The following TRRAP variants were observed in gnomAD, a reference collection of about 807,000 sequenced individuals.
The protein encoded by TRRAP is transformation/transcription domain-associated protein.
A neutral mutation model predicts 438.8 loss-of-function variants in TRRAP; 41 were observed. The ratio of observed to expected loss-of-function variants is 0.09; its 90% confidence interval spans 0.07 to 0.12. The LOEUF (loss-of-function observed/expected upper bound fraction) is 0.12. Among genes scored for constraint, TRRAP ranks in the 10% least tolerant of loss-of-function variants. The pLI, the probability that TRRAP is intolerant of heterozygous loss-of-function variation, is 1.00. For missense variants in TRRAP, 3,122 were observed against 5,055.1 expected (o/e 0.62, Z 11.60); for synonymous variants, 1,994 against 1,962.9 (o/e 1.02, Z -0.42).
rs576338721 is a variant in TRRAP, at chr7:98,907,754, C to T, written c.1116-974C>T. Among the ~76,000 whole-genome samples the T allele has an allele frequency of 4.3e-4, 65 of 152,212 alleles. No individual in the cohort carries two copies. The East Asian group carries it at 0.012, about 29-fold the overall frequency. ...GCAGCCACACTGGCCCCTGCAGCTC[C>T]CCTCTCCAATCTGCTGCAGCACGCC... is the stretch of plus-strand genomic sequence containing the variant. On this transcript the variant is annotated intron_variant, in intron 13 of 72. Coordinates refer to ENST00000456197, the MANE Select transcript of TRRAP (RefSeq NM_001375524.1).
At chr7:98,879,430 G>A (rs1285322968) in intron 1 of TRRAP, among the ~76,000 whole-genome samples, 1 of 151,998 alleles carries the variant, frequency 6.6e-6, no homozygotes, top group African/African-American at 2.4e-5. Flanking sequence ...TGGGCAGGGA[G>A]AGGCCGTGAC....
Position 98,910,274 on chromosome 7 carries a change from C to T in TRRAP, c.1569C>T (p.Pro523=), listed in dbSNP as rs782795223. ...CTGCCACCCCTGTGACCCCGGCCCC[C>T]GTGCCTCCCTTCGAGAAGCAAGGAG... is the stretch of plus-strand genomic sequence containing the variant. ...PPPATPVTPA[P]VPPFEKQGEK... Residue 523 remains proline (P), a synonymous_variant, in exon 15 of 73, where the codon CCC becomes CCT. Coordinates refer to ENST00000456197, the MANE Select transcript of TRRAP (RefSeq NM_001375524.1). The T allele has an allele frequency of 2.2e-5, 35 of 1,600,196 alleles. No homozygotes were observed. The highest frequency in any genetic ancestry group is 1.9e-4 in the African/African-American group (14 of 73,916).
chr7:98,895,473 A>C (rs940306343), intron 6 of TRRAP, among the ~76,000 whole-genome samples: 1 of 152,224 alleles, frequency 6.6e-6, no homozygotes, highest in Non-Finnish European at 1.5e-5. Context: ...GTTCCATCCT[A>C]TCAGGCATTG....
chr7:98,895,665 A>T, intron 6 of TRRAP, 99 bp from the exon 7 acceptor site: 1 of 962,328 alleles, frequency 1.0e-6, no homozygotes, highest in Non-Finnish European at 1.5e-6. Context: ...CTCTCTTATG[A>T]GTTCTTACGT....
intron 68 of TRRAP, 116 bp downstream of exon 68, chr7:99,004,531 G>A (rs1794074322): frequency 3.4e-6 from 3 of 872,328 alleles, no homozygotes; most frequent in Non-Finnish European, 5.3e-6. Context: ...CCCTGACATG[G>A]GAGAACATAA....
chr7:98,935,869 G>GT (rs1409993584), intron 28 of TRRAP, among the ~76,000 whole-genome samples, 194 bp downstream of exon 28: 1 of 152,224 alleles, frequency 6.6e-6, no homozygotes, highest in African/African-American at 2.4e-5. Context: ...TACATGTGTT[G>GT]TTAGGATTGA....
intron 11 of TRRAP, among the ~76,000 whole-genome samples, chr7:98,902,824 T>C (rs1424383435): frequency 6.6e-6 from 1 of 150,406 alleles, no homozygotes. Context: ...TGGTGGCTCA[T>C]GCCTATAATC....
chr7:98,996,175 C>T (rs774229351), intron 67 of TRRAP, among the ~76,000 whole-genome samples: 2 of 151,894 alleles, frequency 1.3e-5, no homozygotes, highest in South Asian at 2.1e-4. Flanking sequence ...CGTGTCCCCG[C>T]GTATGCACTG....
intron 45 of TRRAP, among the ~76,000 whole-genome samples, chr7:98,959,810 C>T (rs535438770): frequency 1.4e-3 from 209 of 151,936 alleles, no homozygotes; most frequent in Non-Finnish European, 1.2e-3. Context: ...AGCTTGTAGT[C>T]CCAGCTACTT....
intron 18 of TRRAP, among the ~76,000 whole-genome samples, chr7:98,913,253 C>A (rs1388355731): frequency 6.6e-6 from 1 of 152,076 alleles, no homozygotes; most frequent in Non-Finnish European, 1.5e-5. Flanking sequence ...GTTACAGTTA[C>A]ATCAACAGTT....
chr7:99,008,603 G>A (rs774979266), intron 70 of TRRAP, 42 bp downstream of exon 70: 1 of 1,602,952 alleles, frequency 6.2e-7, no homozygotes, highest in Non-Finnish European at 8.5e-7. Context: ...GCCGCCTGCA[G>A]CCCTCCTGTG....
rs782135106 is a variant in TRRAP at position 98,945,739 on chromosome 7, A to G, written c.4474-8A>G. On this transcript the variant is annotated splice_polypyrimidine_tract_variant and splice_region_variant and intron_variant, in intron 31 of 72. Coordinates refer to ENST00000456197, the MANE Select transcript of TRRAP (RefSeq NM_001375524.1). ...TAGAAAAAAGATGATTTTCCTCCCC[A>G]TCCTCAGGAAAGCATTTCCGAGTGC... 6.3e-7 allele frequency: 1 copy of G among 1,597,664 alleles called. No individual in the cohort carries two copies. Among genetic ancestry groups the G allele is most frequent in the East Asian group, 2.2e-5 (1 of 44,878 alleles).
At chr7:98,960,419 C>T (rs1007270120) in intron 45 of TRRAP, among the ~76,000 whole-genome samples, 7 of 152,176 alleles carry the variant, frequency 4.6e-5, no homozygotes, top group African/African-American at 1.7e-4. Context: ...TTCTGGACTG[C>T]AAAGGCCATG....
chr7:98,992,110 T>G (rs1793453469), intron 64 of TRRAP, 27 bp from the exon 65 acceptor site: 2 of 1,610,760 alleles, frequency 1.2e-6, no homozygotes, highest in East Asian at 2.2e-5. Context: ...AGAGCAGCAC[T>G]GTTTATAACA....
intron 67 of TRRAP, chr7:98,998,758 C>A: frequency 4.6e-6 from 1 of 219,158 alleles, no homozygotes; most frequent in Non-Finnish European, 9.5e-6. Flanking sequence ...CTCTTCTAGC[C>A]ACTCCTTTCT....
intron 67 of TRRAP, among the ~76,000 whole-genome samples, chr7:99,001,891 A>G (rs1768625499): frequency 6.6e-6 from 1 of 152,190 alleles, no homozygotes; most frequent in South Asian, 2.1e-4. Context: ...AATAGCTCAA[A>G]ACTGGAAACC....
chr7:98,927,362 G>A lies in TRRAP; in HGVS notation c.3171G>A (p.Gln1057=). Residue 1057 remains glutamine, a synonymous_variant, in exon 23 of 73, where the codon CAG becomes CAA. Transcript: ENST00000456197. ...RHYTMVAVAQ[Q]CGPFLLPCYQ... is the part of the protein sequence containing the mutation. ...ATACGATGGTGGCAGTCGCCCAGCAGTGTGGTGAGCACGGGGGCACGGTGG... is the reference window on the plus strand; with the variant it reads ...ATACGATGGTGGCAGTCGCCCAGCAATGTGGTGAGCACGGGGGCACGGTGG... 2 of 1,614,194 alleles carry A rather than the reference G, an allele frequency of 1.2e-6. No individual in the cohort carries two copies. The highest frequency in any genetic ancestry group is 1.7e-6 in the Non-Finnish European group (2 of 1,180,042).
At chr7:99,007,380 ACT>A (rs1379140280) in intron 69 of TRRAP, among the ~76,000 whole-genome samples, 3 of 151,972 alleles carry the variant, frequency 2.0e-5, no homozygotes, top group African/African-American at 4.8e-5. Context: ...ACGGAGTCTC[ACT>A]CTCTCATTCA....
At chr7:98,932,126 T>C (rs1168417405) in intron 26 of TRRAP, among the ~76,000 whole-genome samples, 2 of 151,836 alleles carry the variant, frequency 1.3e-5, no homozygotes, top group Admixed American at 1.3e-4. Flanking sequence ...TATTTAATTA[T>C]TTATTTTGAG....
Sources: gnomAD v4.1 joint callset for allele counts (sites outside exome capture counted in the v4.1 genomes callset) on GRCh38, gnomAD v4.1.1 for gene constraint, MANE v1.5 for transcripts, NCBI Gene and HGNC (gene_info 2026-07-23, HGNC 2026-07-21) for gene names.